ITPA: variants seen among roughly 807,000 people sequenced by gnomAD.
ITPA encodes inosine triphosphatase.
ITPA carries 29 observed loss-of-function variants against 29.6 expected under a neutral mutation model. The ratio of observed to expected loss-of-function variants is 0.98; its 90% confidence interval spans 0.73 to 1.34. ITPA has a LOEUF of 1.34. Ranked by LOEUF, ITPA falls within the 40% of genes most tolerant of loss-of-function variation. The probability of loss-of-function intolerance (pLI) is 0.00; values close to 1 mark genes in which losing one functional copy is unlikely to be tolerated. For missense variants in ITPA, 241 were observed against 251.5 expected (o/e 0.96, Z 0.28); for synonymous variants, 103 against 99.3 (o/e 1.04, Z -0.22).
At chr20:3,218,747 A>G (rs770749452) in intron 6 of ITPA, 115 bp downstream of exon 6, 2 of 754,198 alleles carry the variant, frequency 2.7e-6, no homozygotes, top group South Asian at 1.5e-5. Flanking sequence ...GGGGCCAGAG[A>G]TATCTGTGCC....
intron 5 of ITPA, among the ~76,000 whole-genome samples, chr20:3,217,833 A>T (rs947035268): frequency 6.6e-6 from 1 of 152,208 alleles, no homozygotes; most frequent in African/African-American, 2.4e-5. Context: ...TCATTTTAAA[A>T]TACTACATAA....
intron 6 of ITPA, among the ~76,000 whole-genome samples, chr20:3,220,808 G>A (rs1466439163): frequency 6.6e-6 from 1 of 151,758 alleles, no homozygotes; most frequent in African/African-American, 2.4e-5. Context: ...CTCCCTCCTC[G>A]GCCTCCCCAA....
upstream of ITPA, among the ~76,000 whole-genome samples, chr20:3,207,402 T>G (rs1420538459): frequency 1.3e-5 from 2 of 152,102 alleles, no homozygotes; most frequent in Non-Finnish European, 2.9e-5. Flanking sequence ...GATTTAAGAA[T>G]GAGAGGTGAG....
At chr20:3,204,985 G>C (rs1390064884), upstream of ITPA, among the ~76,000 whole-genome samples, 11 of 152,114 alleles carry the variant, frequency 7.2e-5, no homozygotes, top group Admixed American at 6.5e-4. Context: ...CGAGTAGCTG[G>C]GATTACAGGC....
chr20:3,218,617 C>G lies in ITPA; in HGVS notation c.396C>G (p.Phe132Leu). The change falls in exon 6 of 8, where the codon TTC becomes TTG. Residue 132 changes from phenylalanine (F) to leucine (L), a missense_variant. Phe to Leu is a conservative substitution (Grantham distance 22). Coordinates refer to ENST00000380113, the MANE Select transcript of ITPA (RefSeq NM_033453.4). ...TGDPSQPVRL[F>L]RGRTSGRIVA... ...ACCCAAGCCAGCCCGTGCGCCTGTT[C>G]AGGGGCCGGACCTCGGTGCGTACCC... 1 of 1,613,048 alleles carries G rather than the reference C, an allele frequency of 6.2e-7. No individual in the cohort carries two copies. Among genetic ancestry groups the G allele is most frequent in the Non-Finnish European group, 8.5e-7 (1 of 1,179,352 alleles).
upstream of ITPA, among the ~76,000 whole-genome samples, chr20:3,208,008 AAAAAAG>A (rs2067094407): frequency 6.6e-6 from 1 of 151,978 alleles, no homozygotes. Context: ...AAAAAAAAAA[AAAAAAG>A]AAAAAGAGAG....
intron 6 of ITPA, chr20:3,219,155 C>CTTTCCAGCTT: frequency 6.5e-6 from 1 of 152,904 alleles, no homozygotes; most frequent in South Asian, 2.0e-4. Flanking sequence ...ATCTCTCAGC[C>CTTTCCAGCTT]TTTCCAGCTT....
upstream of ITPA, among the ~76,000 whole-genome samples, chr20:3,205,098 C>T (rs2067061613): frequency 6.6e-6 from 1 of 152,162 alleles, no homozygotes; most frequent in African/African-American, 2.4e-5. Context: ...GATCCACCCA[C>T]CTTGGCCTCC....
At chr20:3,222,498 C>T (rs1197064660) in intron 7 of ITPA, among the ~76,000 whole-genome samples, 7 of 152,192 alleles carry the variant, frequency 4.6e-5, no homozygotes, top group African/African-American at 1.7e-4. Flanking sequence ...CGTGAGCCAC[C>T]GCGCCTGGCC....
rs201766921 is a variant in ITPA at position 3,221,860 on chromosome 20, G to A, written c.431G>A (p.Arg144Lys). 8 of 1,614,032 alleles carry A rather than the reference G, an allele frequency of 5.0e-6. No individual in the cohort carries two copies. The East Asian group carries it at 1.6e-4, about 31-fold the overall frequency. Residue 144 changes from arginine to lysine, a missense_variant, in exon 7 of 8, where the codon AGA (arginine) becomes AAA (lysine). Arg to Lys is a conservative substitution (Grantham distance 26, BLOSUM62 2). Transcript: ENST00000380113. The stretch of plus-strand genomic sequence containing the variant: ...TGGCAGGGCCGGATCGTGGCACCCA[G>A]AGGCTGCCAGGACTTTGGCTGGGAC... ...GRTSGRIVAP[R>K]GCQDFGWDPC...
intron 1 of ITPA, among the ~76,000 whole-genome samples, chr20:3,211,031 A>G (rs1324218790): frequency 6.6e-6 from 1 of 150,528 alleles, no homozygotes. Flanking sequence ...AGCCTGGGTA[A>G]GAGTTGAGTG....
chr20:3,210,944 G>A (rs6084300), intron 1 of ITPA, among the ~76,000 whole-genome samples: 17,917 of 151,498 alleles, frequency 0.12, 1,338 homozygotes, highest in Non-Finnish European at 0.16. Context: ...CCAGCTACTC[G>A]GGAGGCTGAG....
At chr20:3,211,128 A>G (rs73076879) in intron 1 of ITPA, among the ~76,000 whole-genome samples, 17,114 of 149,598 alleles carry the variant, frequency 0.11, 1,279 homozygotes, top group Non-Finnish European at 0.16. Flanking sequence ...GACTCCTTGG[A>G]GAACATGGAC....
At chr20:3,214,576 T>C (rs1389649428) in intron 4 of ITPA, among the ~76,000 whole-genome samples, 2 of 151,122 alleles carry the variant, frequency 1.3e-5, no homozygotes, top group African/African-American at 4.8e-5. Flanking sequence ...TTAATTATTT[T>C]ATTTTATTTT....
At chr20:3,224,282 G>A (rs2067535205), downstream of ITPA, among the ~76,000 whole-genome samples, 1 of 152,250 alleles carries the variant, frequency 6.6e-6, no homozygotes, top group South Asian at 2.1e-4. Flanking sequence ...CCTGCGGGCT[G>A]CAGGCCCCTC....
At chr20:3,216,968 C>CA (rs2067319293) in intron 5 of ITPA, among the ~76,000 whole-genome samples, 1 of 151,906 alleles carries the variant, frequency 6.6e-6, no homozygotes, top group Non-Finnish European at 1.5e-5. Context: ...GCAACCTCTG[C>CA]CTCCTGAGTT....
At chr20:3,218,476 G>T in intron 5 of ITPA, 41 bp from the exon 6 acceptor site, 1 of 1,381,278 alleles carries the variant, frequency 7.2e-7, no homozygotes, top group Non-Finnish European at 1.0e-6. Context: ...GGTGGGAGTT[G>T]GCCATTAGGG....
chr20:3,225,520 C>T (rs868656331), downstream of ITPA, among the ~76,000 whole-genome samples: 5 of 152,104 alleles, frequency 3.3e-5, no homozygotes, highest in African/African-American at 7.2e-5. Context: ...TCTGAATAGC[C>T]GACCATGTGG....
At position 3,223,372 on chromosome 20, in the gene ITPA, A is replaced by G; in HGVS notation, c.495A>G (p.Ala165=). 6.2e-7 allele frequency: 1 copy of G among 1,612,366 alleles called. No homozygotes were observed. Among genetic ancestry groups the G allele is most frequent in the East Asian group, 2.2e-5 (1 of 44,870 alleles). ...FQPDGYEQTY[A]EMPKAEKNAV... ...TGCTACTGTCACCCCTCAGGTACGC[A>G]GAGATGCCTAAGGCGGAGAAGAACG... The change falls in exon 8 of 8, where the codon GCA becomes GCG. Residue 165 remains alanine (A), a synonymous_variant. Transcript: ENST00000380113.
Sources: allele counts gnomAD v4.1 joint callset (sites outside exome capture counted in the v4.1 genomes callset), GRCh38; gene constraint gnomAD v4.1.1; transcripts MANE v1.5; gene names NCBI Gene and HGNC (gene_info 2026-07-23, HGNC 2026-07-21).